The following KALRN variants were observed in gnomAD, a reference collection of about 807,000 sequenced individuals.
KALRN encodes kalirin RhoGEF kinase.
Under a neutral mutation model 353.7 loss-of-function variants are expected in KALRN, and 70 were observed. The observed-to-expected ratio is 0.20, with a 90% confidence interval of 0.16 to 0.24. KALRN has a LOEUF of 0.24. KALRN is among the 10% of genes least tolerant of loss of function. The pLI, the probability that KALRN is intolerant of heterozygous loss-of-function variation, is 1.00. For missense variants in KALRN, 2,791 were observed against 3,756.7 expected (o/e 0.74, Z 6.72); for synonymous variants, 1,391 against 1,434.8 (o/e 0.97, Z 0.69).
chr3:124,477,099 G>A, intron 26 of KALRN, 146 bp from the exon 27 acceptor site: 1 of 526,028 alleles, frequency 1.9e-6, no homozygotes, highest in Admixed American at 3.4e-5. Flanking sequence ...ATGGGGGCTG[G>A]ATGAGCATAG....
At chr3:124,357,599 C>G (rs2083565045) in intron 10 of KALRN, among the ~76,000 whole-genome samples, 1 of 152,176 alleles carries the variant, frequency 6.6e-6, no homozygotes, top group Non-Finnish European at 1.5e-5. Context: ...CTTTAACTGA[C>G]CAGCTCCTAT....
chr3:124,645,315 G>A (rs1172412649), intron 37 of KALRN, among the ~76,000 whole-genome samples: 1 of 152,188 alleles, frequency 6.6e-6, no homozygotes, highest in Admixed American at 6.5e-5. Context: ...TTGCTGTGCA[G>A]AAGCTCTTTA....
intron 5 of KALRN, among the ~76,000 whole-genome samples, chr3:124,276,558 C>A (rs968937344): frequency 2.6e-5 from 4 of 152,216 alleles, no homozygotes; most frequent in African/African-American, 9.6e-5. Context: ...ACACCTCCAA[C>A]ACCCCCATTC....
intron 14 of KALRN, among the ~76,000 whole-genome samples, chr3:124,417,390 T>A (rs947957241): frequency 6.8e-4 from 103 of 152,220 alleles, no homozygotes; most frequent in African/African-American, 2.4e-3. Context: ...TTCTCTCCCA[T>A]GAAATCTGAC....
chr3:124,488,370 C>A (rs1577355230), intron 29 of KALRN, 55 bp downstream of exon 29: 2 of 1,165,646 alleles, frequency 1.7e-6, no homozygotes, highest in Non-Finnish European at 2.6e-6. Flanking sequence ...CACGGGGGAG[C>A]TTGTATCATG....
rs1053131733 is a variant in KALRN at position 124,492,705 on chromosome 3, T to C, written c.4690-35T>C. ...CTGTTTTTGGTAAGGTGATGGGAGT[T>C]GGGGTTCTCAGTCTTTCTCCCTGTG... On this transcript the variant is annotated intron_variant, in intron 31 of 59. Transcript: ENST00000682506. 1.9e-6 allele frequency: 3 copies of C among 1,607,782 alleles called. No homozygotes were observed. The African/African-American group carries it at 4.0e-5, about 22-fold the overall frequency.
intron 34 of KALRN, among the ~76,000 whole-genome samples, chr3:124,604,142 G>GT (rs10604055): frequency 7.0e-4 from 96 of 136,728 alleles, no homozygotes; most frequent in Admixed American, 3.0e-3. Flanking sequence ...CTGCTTTCAC[G>GT]TTTTTTTTTT....
intron 33 of KALRN, among the ~76,000 whole-genome samples, chr3:124,555,256 G>T (rs1488140126): frequency 1.3e-5 from 2 of 151,890 alleles, no homozygotes; most frequent in Admixed American, 1.3e-4. Context: ...TCTCAGCCCG[G>T]CGCAGTGGCT....
At chr3:124,684,059 C>T (rs969055262) in intron 51 of KALRN, among the ~76,000 whole-genome samples, 2 of 152,180 alleles carry the variant, frequency 1.3e-5, no homozygotes, top group Non-Finnish European at 2.9e-5. Flanking sequence ...CACCACTATC[C>T]ATTTCCAGAA....
At chr3:124,679,431 TC>T in intron 50 of KALRN, 26 bp from the exon 51 acceptor site, 1 of 1,605,428 alleles carries the variant, frequency 6.2e-7, no homozygotes, top group Non-Finnish European at 8.5e-7. Context: ...TTCTCTTTCT[TC>T]CCCCTTCCTC....
intron 25 of KALRN, among the ~76,000 whole-genome samples, chr3:124,471,966 C>CA (rs34537933): frequency 0.53 from 58,451 of 110,256 alleles, 13,732 homozygotes; most frequent in East Asian, 0.73. Flanking sequence ...GACTCCGTCT[C>CA]AAAAAAAAAA....
intron 13 of KALRN, among the ~76,000 whole-genome samples, chr3:124,404,200 G>A (rs1404953057): frequency 6.7e-6 from 1 of 148,322 alleles, no homozygotes; most frequent in Admixed American, 6.7e-5. Context: ...TCTTATTTGG[G>A]AGCCTTAAAA....
rs1168541997 is a variant in KALRN at position 124,334,949 on chromosome 3, C to A, written c.1647+454C>A. 6.6e-6 allele frequency among the ~76,000 whole-genome samples: 1 copy of A among 152,222 alleles called. No homozygotes were observed. Among genetic ancestry groups the A allele is most frequent in the African/African-American group, 2.4e-5 (1 of 41,444 alleles). ...AGCTGGGATTAACCGCATGTGCCAT[C>A]ACACCCAGCTAATTTTTGTATTTTT... On this transcript the variant is annotated intron_variant, in intron 9 of 59. Coordinates refer to ENST00000682506, the MANE Select transcript of KALRN (RefSeq NM_001388419.1). This position sits in a 1 kb window ranked among gnomAD's most constrained non-coding sequence, Gnocchi z 4.2.
intron 1 of KALRN, among the ~76,000 whole-genome samples, chr3:124,137,891 T>C (rs1258839561): frequency 6.6e-6 from 1 of 152,124 alleles, no homozygotes; most frequent in Non-Finnish European, 1.5e-5. Flanking sequence ...CACAGTTTTC[T>C]CTGAACAGCA....
chr3:124,563,828 C>T (rs2072372340), intron 34 of KALRN, among the ~76,000 whole-genome samples: 1 of 151,964 alleles, frequency 6.6e-6, no homozygotes, highest in Admixed American at 6.6e-5. Context: ...CTTAGTGAGA[C>T]CCTGTCTCTA....
chr3:124,626,536 C>T (rs2079979123), intron 34 of KALRN, among the ~76,000 whole-genome samples: 1 of 152,064 alleles, frequency 6.6e-6, no homozygotes, highest in South Asian at 2.1e-4. Context: ...ACTGTACATA[C>T]CAGAACATTA....
At chr3:124,535,604 G>C (rs2068439747) in intron 33 of KALRN, among the ~76,000 whole-genome samples, 1 of 152,074 alleles carries the variant, frequency 6.6e-6, no homozygotes, top group Non-Finnish European at 1.5e-5. Flanking sequence ...TTTGATCCAA[G>C]CTGCTTTTGA....
intron 37 of KALRN, among the ~76,000 whole-genome samples, chr3:124,644,591 C>T (rs1353874882): frequency 6.6e-6 from 1 of 151,806 alleles, no homozygotes; most frequent in Non-Finnish European, 1.5e-5. Context: ...GTTTTCTGTT[C>T]CTGTGTTAGT....
At chr3:124,101,137 A>G (rs1355599574) in intron 1 of KALRN, among the ~76,000 whole-genome samples, 2 of 152,232 alleles carry the variant, frequency 1.3e-5, no homozygotes, top group Admixed American at 6.5e-5. Context: ...ACCATTTTCA[A>G]TGACTTTCTA....
Sources: allele counts gnomAD v4.1 joint callset (sites outside exome capture counted in the v4.1 genomes callset), GRCh38; gene constraint gnomAD v4.1.1; non-coding constraint Gnocchi (gnomAD v3.1); transcripts MANE v1.5; gene names NCBI Gene and HGNC (gene_info 2026-07-23, HGNC 2026-07-21).